The following MARCHF1 variants were observed in gnomAD, a reference collection of about 807,000 sequenced individuals.
The protein encoded by MARCHF1 is membrane associated ring-CH-type finger 1.
Under a neutral mutation model 54.2 loss-of-function variants are expected in MARCHF1, and 40 were observed. The ratio of observed to expected loss-of-function variants is 0.74; its 90% CI spans 0.57 to 0.96. MARCHF1 has a LOEUF of 0.96. Among genes scored for constraint, MARCHF1 ranks in the 40% least tolerant of loss-of-function variants. The probability of loss-of-function intolerance (pLI) is 0.00; values close to 1 mark genes in which losing one functional copy is unlikely to be tolerated. For missense variants in MARCHF1, 586 were observed against 656.5 expected, an observed-to-expected ratio of 0.89 and a Z score of 1.17; for synonymous variants, 236 against 236.3, an observed-to-expected ratio of 1.00 and a Z score of 0.01.
intron 3 of MARCHF1, among the ~76,000 whole-genome samples, chr4:163,881,345 C>T (rs982367702): frequency 6.6e-6 from 1 of 152,112 alleles, no homozygotes; most frequent in African/African-American, 2.4e-5. Context: ...GTGGCAGGTG[C>T]CTGTAATCCC....
chr4:163,674,420 T>G (rs1743840832), intron 5 of MARCHF1, among the ~76,000 whole-genome samples: 1 of 152,192 alleles, frequency 6.6e-6, no homozygotes, highest in Non-Finnish European at 1.5e-5. Flanking sequence ...ATCCTGGAGC[T>G]TGCAGCCTCT....
At chr4:163,714,227 A>G (rs906051978) in intron 4 of MARCHF1, among the ~76,000 whole-genome samples, 1 of 152,246 alleles carries the variant, frequency 6.6e-6, no homozygotes, top group African/African-American at 2.4e-5. Flanking sequence ...TTCATCTTCC[A>G]TGAAAAACCC....
chr4:163,830,067 G>A (rs1748974299), intron 4 of MARCHF1, among the ~76,000 whole-genome samples: 1 of 151,982 alleles, frequency 6.6e-6, no homozygotes, highest in East Asian at 1.9e-4. Flanking sequence ...TTTAATTAAA[G>A]CCTCCAAAAG....
intron 8 of MARCHF1, among the ~76,000 whole-genome samples, chr4:163,552,844 CAACGTGGTGA>C (rs569984064): frequency 2.0e-5 from 3 of 151,970 alleles, no homozygotes; most frequent in Non-Finnish European, 4.4e-5. Context: ...CCATCCTGGC[CAACGTGGTGA>C]AACCCTGCAT....
At chr4:164,310,368 G>A (rs7655856) in intron 1 of MARCHF1, among the ~76,000 whole-genome samples, 21,727 of 151,780 alleles carry the variant, frequency 0.14, 2,340 homozygotes, top group East Asian at 0.42. Flanking sequence ...GAGCCACCAC[G>A]CCTGGCCACA....
intron 9 of MARCHF1, among the ~76,000 whole-genome samples, chr4:163,542,569 C>T (rs537180449): frequency 1.3e-5 from 2 of 152,286 alleles, no homozygotes; most frequent in African/African-American, 4.8e-5. Context: ...AGGTAATCTA[C>T]CATGCAGTAA....
chr4:164,103,994 C>G (rs1755633002), intron 2 of MARCHF1, among the ~76,000 whole-genome samples: 1 of 151,060 alleles, frequency 6.6e-6, no homozygotes. Flanking sequence ...CACCTCTACG[C>G]AAATAAACTA....
In MARCHF1 at chr4:163,654,855, T is replaced by C. The variant is rs56319524; in HGVS notation, c.163-41462A>G. On this transcript the variant is annotated intron_variant, in intron 5 of 9. Transcript: ENST00000514618. Reference sequence around the variant, plus strand: ...TTTCATGACAATCTGTCATTAAACATTGAGTATGATTTGTATACATAAACT... The same window carrying C: ...TTTCATGACAATCTGTCATTAAACACTGAGTATGATTTGTATACATAAACT... 8.7e-3 allele frequency among the ~76,000 whole-genome samples: 1,325 copies of C among 151,804 alleles called. 16 individuals are homozygous for C. Among genetic ancestry groups the C allele is most frequent in the African/African-American group, 0.03 (1,237 of 41,504 alleles).
chr4:164,325,090 T>C (rs1735238342), intron 1 of MARCHF1, among the ~76,000 whole-genome samples: 1 of 151,898 alleles, frequency 6.6e-6, no homozygotes, highest in Non-Finnish European at 1.5e-5. Flanking sequence ...TTTATTAGCA[T>C]AGGAATAGTA....
chr4:163,921,340 T>G (rs2111363670), intron 3 of MARCHF1, among the ~76,000 whole-genome samples: 1 of 152,138 alleles, frequency 6.6e-6, no homozygotes, highest in Admixed American at 6.5e-5. Context: ...TACTTCGATT[T>G]TTATGAGCCT....
chr4:164,099,264 T>C (rs903633148), intron 2 of MARCHF1, among the ~76,000 whole-genome samples: 5 of 152,354 alleles, frequency 3.3e-5, no homozygotes, highest in East Asian at 1.9e-4. Flanking sequence ...ACAATCGTGC[T>C]ACCATGTAAA....
intron 4 of MARCHF1, among the ~76,000 whole-genome samples, chr4:163,733,204 T>C (rs372509326): frequency 0.14 from 3,402 of 23,840 alleles, 629 homozygotes; most frequent in East Asian, 0.26. Context: ...TATATATATA[T>C]ATATATATAT....
intron 2 of MARCHF1, among the ~76,000 whole-genome samples, chr4:163,995,802 A>G (rs67510897): frequency 0.049 from 7,408 of 152,184 alleles, 270 homozygotes; most frequent in Non-Finnish European, 0.073. Context: ...GAAGGCTAGT[A>G]GATGGCAGAA....
intron 1 of MARCHF1, among the ~76,000 whole-genome samples, chr4:164,287,885 G>C (rs1478772917): frequency 6.6e-6 from 1 of 152,110 alleles, no homozygotes; most frequent in Non-Finnish European, 1.5e-5. Context: ...AAATGTCTTA[G>C]ATATTCATTT....
intron 2 of MARCHF1, among the ~76,000 whole-genome samples, chr4:164,081,207 CAAAAA>C (rs60753810): frequency 5.4e-4 from 10 of 18,406 alleles, no homozygotes; most frequent in South Asian, 5.3e-3. Context: ...GACGCTGTCT[CAAAAA>C]AAAAAAAAAA....
At chr4:164,256,873 T>C (rs1251267179) in intron 1 of MARCHF1, among the ~76,000 whole-genome samples, 1 of 152,174 alleles carries the variant, frequency 6.6e-6, no homozygotes, top group East Asian at 1.9e-4. Flanking sequence ...TAATACCATA[T>C]CACTGATTAA....
chr4:163,674,380 A>G (rs1317677912), intron 5 of MARCHF1, among the ~76,000 whole-genome samples: 2 of 152,214 alleles, frequency 1.3e-5, no homozygotes, highest in African/African-American at 4.8e-5. Flanking sequence ...GTTGATGAAG[A>G]CAAGTGGAGC....
intron 3 of MARCHF1, among the ~76,000 whole-genome samples, chr4:163,959,998 C>T (rs1752314928): frequency 6.6e-6 from 1 of 151,902 alleles, no homozygotes; most frequent in Non-Finnish European, 1.5e-5. Context: ...GAGCAAAGGA[C>T]ATGAACAGAT....
chr4:164,013,382 T>C (rs1458577612), intron 2 of MARCHF1, among the ~76,000 whole-genome samples: 1 of 151,538 alleles, frequency 6.6e-6, no homozygotes, highest in Non-Finnish European at 1.5e-5. Flanking sequence ...AGAAGGAGAA[T>C]AAAGAATGCC....
Sources: allele counts gnomAD v4.1 joint callset (sites outside exome capture counted in the v4.1 genomes callset), GRCh38; gene constraint gnomAD v4.1.1; transcripts MANE v1.5; gene names NCBI Gene and HGNC (gene_info 2026-07-23, HGNC 2026-07-21).